Variants in BIRC6 observed in about 807,000 individuals in gnomAD.
The protein encoded by BIRC6 is dual E2 ubiquitin-conjugating enzyme/E3 ubiquitin-protein ligase BIRC6.
Under a neutral mutation model 503.3 loss-of-function variants are expected in BIRC6, and 98 were observed. That is an observed-to-expected ratio of 0.19 (90% CI 0.17 to 0.23). The LOEUF (loss-of-function observed/expected upper bound fraction) is 0.23. BIRC6 is among the 10% of genes least tolerant of loss of function. BIRC6 has a pLI of 1.00. For missense variants in BIRC6, 5,360 were observed against 5,806.0 expected, an observed-to-expected ratio of 0.92 and a Z score of 2.50; for synonymous variants, 2,240 against 2,078.7, an observed-to-expected ratio of 1.08 and a Z score of -2.11.
intron 22 of BIRC6, among the ~76,000 whole-genome samples, chr2:32,451,752 C>T (rs2046757740): frequency 6.6e-6 from 1 of 152,170 alleles, no homozygotes; most frequent in South Asian, 2.1e-4. Context: ...CGCCCATTTG[C>T]ACTGCGTTAT....
At chr2:32,543,906 C>T (rs967013592) in intron 62 of BIRC6, among the ~76,000 whole-genome samples, 2 of 152,248 alleles carry the variant, frequency 1.3e-5, no homozygotes, top group South Asian at 2.1e-4. Context: ...CTTCAGTACT[C>T]TTGAGTGCAG....
Position 32,395,450 on chromosome 2 carries a change from A to G in BIRC6, c.952-61A>G, listed in dbSNP as rs565050923. On this transcript the variant is annotated intron_variant, in intron 5 of 73. Transcript: ENST00000421745. The stretch of plus-strand genomic sequence containing the variant: ...TTATGAACTTTTAAAAATAACTTTT[A>G]TTATAAAGCTATTTTAATAATGATT... The G allele has an allele frequency of 1.9e-5, 24 of 1,278,420 alleles. No individual in the cohort carries two copies. The African/African-American group carries it at 3.0e-4, about 16-fold the overall frequency. The allele number at this position is 1,278,420 out of a possible 1,614,324, so 79.2% of individuals were successfully genotyped here.
intron 1 of BIRC6, among the ~76,000 whole-genome samples, chr2:32,364,031 G>A (rs1406729229): frequency 3.9e-5 from 6 of 152,204 alleles, no homozygotes; most frequent in Non-Finnish European, 7.3e-5. Context: ...GTGGCTAAAT[G>A]TCAGAATGAA....
chr2:32,383,069 C>T (rs986359370), intron 3 of BIRC6, among the ~76,000 whole-genome samples: 13 of 145,294 alleles, frequency 8.9e-5, no homozygotes, highest in Middle Eastern at 8.4e-3. Flanking sequence ...TTTTCTTAGA[C>T]GGAGTCTGTC....
intron 6 of BIRC6, among the ~76,000 whole-genome samples, chr2:32,396,403 T>G (rs2039892314): frequency 6.6e-6 from 1 of 152,190 alleles, no homozygotes; most frequent in African/African-American, 2.4e-5. Flanking sequence ...TGAAAATTAG[T>G]TTGAAGTCTC....
At chr2:32,597,547 G>T (rs1490192926) in intron 68 of BIRC6, among the ~76,000 whole-genome samples, 3 of 152,186 alleles carry the variant, frequency 2.0e-5, no homozygotes, top group African/African-American at 7.2e-5. Context: ...GCATGTGAAA[G>T]ACAAGAGTCC....
At chr2:32,393,129 A>ACC (rs1333408582) in intron 5 of BIRC6, among the ~76,000 whole-genome samples, 1 of 151,858 alleles carries the variant, frequency 6.6e-6, no homozygotes, top group East Asian at 1.9e-4. Context: ...GATACAAATT[A>ACC]CCCATATACT....
chr2:32,510,585 G>A lies in BIRC6; in HGVS notation c.10297G>A (p.Asp3433Asn), dbSNP rs1443103182. 2 of 1,610,470 alleles carry A rather than the reference G, an allele frequency of 1.2e-6. No homozygotes were observed. Among genetic ancestry groups the A allele is most frequent in the Non-Finnish European group, 1.7e-6 (2 of 1,176,844 alleles). ...TGGACTCTCTTCTGACTCTACGATAGATATTCTTTACCAGCTTGGAACAAC... is the reference window on the plus strand; with the variant it reads ...TGGACTCTCTTCTGACTCTACGATAAATATTCTTTACCAGCTTGGAACAAC... Reference protein sequence around the residue: ...LNGLSSDSTIDILYQLGTTQD... With the variant: ...LNGLSSDSTINILYQLGTTQD... The change falls in exon 53 of 74, where the codon GAT becomes AAT. Residue 3433 changes from aspartate to asparagine, a missense_variant. Physicochemically the swap from Asp to Asn is conservative, Grantham distance 23 (BLOSUM62 1). Around this residue, in one of 16 missense-constraint regions of BIRC6, gnomAD observed 878 missense variants for 928.9 expected, o/e 0.95. Transcript: ENST00000421745.
chr2:32,545,894 A>G, intron 63 of BIRC6, 34 bp downstream of exon 63: 1 of 1,570,926 alleles, frequency 6.4e-7, no homozygotes. Flanking sequence ...AGTTATTAAA[A>G]AAACTAGATT....
Position 32,436,130 on chromosome 2 carries a change from G to T in BIRC6, c.3577G>T (p.Asp1193Tyr). The T allele has an allele frequency of 6.7e-7, 1 of 1,497,896 alleles. No individual in the cohort carries two copies. Among genetic ancestry groups the T allele is most frequent in the Non-Finnish European group, 9.0e-7 (1 of 1,110,244 alleles). The allele number at this position is 1,497,896 out of a possible 1,614,324, so 92.8% of individuals were successfully genotyped here. The change falls in exon 15 of 74, where the codon GAT (aspartate) becomes TAT (tyrosine). Residue 1193 changes from aspartate (D) to tyrosine (Y), a missense_variant. Asp to Tyr is a radical substitution (Grantham distance 160). Around this residue, in one of 16 missense-constraint regions of BIRC6, gnomAD observed 2,299 missense variants for 2,267.2 expected, o/e 1.01. Coordinates refer to ENST00000421745, the MANE Select transcript of BIRC6 (RefSeq NM_016252.4). The stretch of plus-strand genomic sequence containing the variant: ...GCCAGTATGGCTTGCTAGTGGCCTT[G>T]ATCTATCAGGGCATGCTGGAATGTT... ...CGPVWLASGL[D>Y]LSGHAGMLTL...
chr2:32,599,110 G>T (rs987782349), intron 69 of BIRC6, among the ~76,000 whole-genome samples: 6 of 150,108 alleles, frequency 4.0e-5, no homozygotes, highest in African/African-American at 1.2e-4. Flanking sequence ...AGGCAGATCA[G>T]TTGAGATCAG....
chr2:32,542,100 A>G (rs748533397), intron 61 of BIRC6, among the ~76,000 whole-genome samples: 2 of 151,942 alleles, frequency 1.3e-5, no homozygotes, highest in Non-Finnish European at 2.9e-5. Context: ...TGAAGAATAC[A>G]TGCTAGAAAT....
At chr2:32,386,078 G>T (rs761074977) in intron 3 of BIRC6, among the ~76,000 whole-genome samples, 1 of 152,180 alleles carries the variant, frequency 6.6e-6, no homozygotes, top group Non-Finnish European at 1.5e-5. Context: ...GTGCTGTCAT[G>T]ATGTAGTGGA....
intron 3 of BIRC6, among the ~76,000 whole-genome samples, chr2:32,384,797 T>C (rs2038205786): frequency 6.6e-6 from 1 of 152,218 alleles, no homozygotes; most frequent in African/African-American, 2.4e-5. Flanking sequence ...GAGCAAGCAC[T>C]GGAGTGCCCG....
At chr2:32,365,565 C>T (rs1170060429) in intron 1 of BIRC6, among the ~76,000 whole-genome samples, 7 of 152,236 alleles carry the variant, frequency 4.6e-5, no homozygotes, top group South Asian at 2.1e-4. Context: ...GTGATCCACT[C>T]GCCTCGGCCT....
intron 65 of BIRC6, among the ~76,000 whole-genome samples, chr2:32,569,678 T>G (rs978496826): frequency 2.0e-4 from 30 of 152,178 alleles, no homozygotes; most frequent in African/African-American, 7.0e-4. Flanking sequence ...GTTCATTTTT[T>G]TTTTTTTCTG....
chr2:32,485,411 T>C (rs1386743421), intron 39 of BIRC6, among the ~76,000 whole-genome samples: 2 of 152,182 alleles, frequency 1.3e-5, no homozygotes. Flanking sequence ...CCATTATTGT[T>C]ACTTCACTTA....
Position 32,500,007 on chromosome 2 carries a change from C to T in BIRC6, c.8929C>T (p.Pro2977Ser). The T allele has an allele frequency of 6.2e-7, 1 of 1,613,948 alleles. No homozygotes were observed. ...AAGCAGTACCAGTGTTCAAGGATCG[C>T]CTGCATATGTTGCTGACTTAGTCTT... ...NGSSTSVQGS[P>S]AYVADLVLAN... The change falls in exon 46 of 74, where the codon CCT becomes TCT. Residue 2977 changes from proline to serine, a missense_variant. Physicochemically the swap from Pro to Ser is moderately conservative, Grantham distance 74. Transcript: ENST00000421745.
rs1296875235 is a variant in BIRC6, at chr2:32,445,588, A to T, written c.4404A>T (p.Thr1468=). ...ATGAAGATCTGGCTGGATGCAGTACAGCTTGTGCATCTTTGCTTACTGCAG... is the reference window on the plus strand; with the variant it reads ...ATGAAGATCTGGCTGGATGCAGTACTGCTTGTGCATCTTTGCTTACTGCAG... The part of the protein sequence containing the change: ...VKDEDLAGCS[T]ACASLLTAVS... The change falls in exon 21 of 74, where the codon ACA becomes ACT. Residue 1468 remains threonine, a synonymous_variant. Coordinates refer to ENST00000421745, the MANE Select transcript of BIRC6 (RefSeq NM_016252.4). The T allele has an allele frequency of 6.2e-7, 1 of 1,606,836 alleles. No individual in the cohort carries two copies. The highest frequency in any genetic ancestry group is 8.5e-7 in the Non-Finnish European group (1 of 1,176,266).
Sources: gnomAD v4.1 joint callset for allele counts (sites outside exome capture counted in the v4.1 genomes callset) on GRCh38, gnomAD v4.1.1 for gene constraint, gnomAD v4.1.1 regional missense constraint, MANE v1.5 for transcripts, NCBI Gene and HGNC (gene_info 2026-07-23, HGNC 2026-07-21) for gene names.